Variants in NEBL observed in about 807,000 individuals in gnomAD.
NEBL encodes the protein nebulette.
A neutral mutation model predicts 140.2 loss-of-function variants in NEBL; 122 were observed. The observed-to-expected ratio is 0.87, with a 90% CI of 0.75 to 1.01. The LOEUF (loss-of-function observed/expected upper bound fraction) is 1.01. NEBL is among the 50% of genes least tolerant of loss of function. The probability of loss-of-function intolerance (pLI) is 0.00; values close to 1 mark genes in which losing one functional copy is unlikely to be tolerated. For synonymous variants in NEBL, 436 were observed against 398.9 expected, an observed-to-expected ratio of 1.09 and a Z score of -1.11; for missense variants, 1,365 against 1,231.3, an observed-to-expected ratio of 1.11 and a Z score of -1.62.
intron 3 of NEBL, among the ~76,000 whole-genome samples, chr10:20,967,183 G>GA (rs74261069): frequency 0.044 from 6,257 of 142,190 alleles, 479 homozygotes; most frequent in East Asian, 0.34. Context: ...TATTTTCAAA[G>GA]AAAAAAAAAA....
At chr10:21,100,826 T>G (rs775390009) in intron 2 of NEBL, among the ~76,000 whole-genome samples, 1 of 152,330 alleles carries the variant, frequency 6.6e-6, no homozygotes, top group Non-Finnish European at 1.5e-5. Flanking sequence ...TTCACAAAAT[T>G]GTAAAAGTGA....
intron 2 of NEBL, among the ~76,000 whole-genome samples, chr10:21,068,629 T>C (rs1199456171): frequency 1.3e-5 from 2 of 152,204 alleles, no homozygotes; most frequent in Non-Finnish European, 2.9e-5. Context: ...ACCCATGGGC[T>C]CTGGTCTTTT....
At chr10:21,147,827 A>G (rs964275320) in intron 2 of NEBL, among the ~76,000 whole-genome samples, 3 of 152,218 alleles carry the variant, frequency 2.0e-5, no homozygotes, top group Middle Eastern at 3.2e-3. Context: ...GGCTGCAGGC[A>G]GGAATCTTTG....
In NEBL at chr10:21,050,056, G is replaced by C. The variant is rs143816983; in HGVS notation, c.165-29855C>G. Among the ~76,000 whole-genome samples the C allele has an allele frequency of 2.5e-4, 38 of 152,164 alleles. No homozygotes were observed. The East Asian group carries it at 7.1e-3, about 29-fold the overall frequency. ...ACCAAATGAAGGGGGAGGAAGACTA[G>C]GTAATATCTAAGGTCCTTTTCATCT... On this transcript the variant is annotated intron_variant, in intron 2 of 6. Coordinates refer to the NEBL transcript ENST00000417816.
intron 3 of NEBL, among the ~76,000 whole-genome samples, chr10:20,987,473 A>G (rs774067366): frequency 6.6e-6 from 1 of 151,962 alleles, no homozygotes; most frequent in African/African-American, 2.4e-5. Flanking sequence ...AGTGACCTCA[A>G]TGTCACTTAT....
At chr10:21,233,555 CATAT>C (rs1842293976) in intron 3 of NEBL, among the ~76,000 whole-genome samples, 1 of 147,166 alleles carries the variant, frequency 6.8e-6, no homozygotes, top group South Asian at 2.1e-4. Context: ...TATATACATA[CATAT>C]ATAGATATGG....
At chr10:21,145,889 A>G (rs1025209105) in intron 2 of NEBL, among the ~76,000 whole-genome samples, 1 of 152,136 alleles carries the variant, frequency 6.6e-6, no homozygotes, top group Non-Finnish European at 1.5e-5. Flanking sequence ...AAAGCCCTCC[A>G]TTAGGTGAGG....
At chr10:21,183,976 T>TCACCTTC (rs931182574) in intron 3 of NEBL, among the ~76,000 whole-genome samples, 28 of 152,290 alleles carry the variant, frequency 1.8e-4, no homozygotes, top group African/African-American at 6.7e-4. Context: ...GACCTGCCTT[T>TCACCTTC]CACCTTCCAC....
chr10:20,943,637 A>G (rs4504971), intron 4 of NEBL, among the ~76,000 whole-genome samples: 2,126 of 152,278 alleles, frequency 0.014, 45 homozygotes, highest in African/African-American at 0.047. Context: ...CACATAATCC[A>G]TATAGCATAG....
chr10:21,215,360 A>C (rs1042247710), intron 3 of NEBL, among the ~76,000 whole-genome samples: 7 of 152,160 alleles, frequency 4.6e-5, no homozygotes, highest in Non-Finnish European at 8.8e-5. Flanking sequence ...ATGTGTTTGC[A>C]ATGGGCTGTC....
chr10:21,031,095 G>A (rs780886918), intron 2 of NEBL, among the ~76,000 whole-genome samples: 6 of 152,226 alleles, frequency 3.9e-5, no homozygotes, highest in South Asian at 2.1e-4. Context: ...GGCTGTCTTC[G>A]TGGATGTCTG....
At chr10:21,200,614 C>A (rs1171747326) in intron 3 of NEBL, among the ~76,000 whole-genome samples, 1 of 152,154 alleles carries the variant, frequency 6.6e-6, no homozygotes, top group African/African-American at 2.4e-5. Context: ...GCGCCCAACC[C>A]CACGGGAATT....
intron 3 of NEBL, among the ~76,000 whole-genome samples, chr10:20,974,352 C>T (rs1042873153): frequency 6.6e-6 from 1 of 151,098 alleles, no homozygotes; most frequent in Non-Finnish European, 1.5e-5. Context: ...GTCTTGGGCT[C>T]AAGCGATCCT....
At chr10:21,189,372 TTCTCCCCCAGAGTA>T (rs1268080850) in intron 3 of NEBL, among the ~76,000 whole-genome samples, 1 of 152,090 alleles carries the variant, frequency 6.6e-6, no homozygotes, top group African/African-American at 2.4e-5. Flanking sequence ...AAAGAATGGG[TTCTCCCCCAGAGTA>T]TCCAGACACC....
intron 2 of NEBL, among the ~76,000 whole-genome samples, chr10:20,894,895 C>T (rs996629093): frequency 8.7e-5 from 13 of 148,830 alleles, no homozygotes; most frequent in African/African-American, 3.2e-4. Flanking sequence ...TGCCACTGCC[C>T]TCCAGCCTGG....
intron 3 of NEBL, among the ~76,000 whole-genome samples, chr10:21,191,550 C>T (rs1345001135): frequency 6.6e-6 from 1 of 152,136 alleles, no homozygotes; most frequent in Non-Finnish European, 1.5e-5. Flanking sequence ...TTGGAATGTC[C>T]TATCGTATTG....
intron 2 of NEBL, among the ~76,000 whole-genome samples, chr10:21,154,741 A>T (rs1200516862): frequency 6.6e-6 from 1 of 152,168 alleles, no homozygotes; most frequent in South Asian, 2.1e-4. Context: ...CTTACTCCAA[A>T]TCCAAATCTT....
chr10:20,978,300 T>C (rs1054471260), intron 3 of NEBL, among the ~76,000 whole-genome samples: 2 of 152,144 alleles, frequency 1.3e-5, no homozygotes, highest in Admixed American at 6.6e-5. Flanking sequence ...CAAATCTTTT[T>C]AGTTTTCTAA....
At chr10:20,815,537 G>T in intron 22 of NEBL, 88 bp downstream of exon 22, 1 of 1,077,292 alleles carries the variant, frequency 9.3e-7, no homozygotes, top group Non-Finnish European at 1.4e-6. Flanking sequence ...TTGAAAATAA[G>T]TTTTATTTTC....
Sources: gnomAD v4.1 joint callset for allele counts (sites outside exome capture counted in the v4.1 genomes callset) on GRCh38, gnomAD v4.1.1 for gene constraint, MANE v1.5 for transcripts, NCBI Gene and HGNC (gene_info 2026-07-23, HGNC 2026-07-21) for gene names.